Variants in KDM5B observed in about 807,000 individuals in gnomAD.
KDM5B encodes lysine-specific demethylase 5B.
Under a neutral mutation model 193.4 loss-of-function variants are expected in KDM5B, and 144 were observed. That is an observed-to-expected ratio of 0.74 (90% CI 0.65 to 0.86). The LOEUF (loss-of-function observed/expected upper bound fraction) is 0.86, where lower values mean the gene tolerates loss of function less well. Among genes scored for constraint, KDM5B ranks in the 40% least tolerant of loss-of-function variants. The pLI is 0.00. For synonymous variants in KDM5B, 668 were observed against 682.6 expected (o/e 0.98, Z 0.33); for missense variants, 1,833 against 1,886.9 (o/e 0.97, Z 0.53).
Position 202,726,243 on chromosome 1 carries a change from T to C in KDM5B, c.*2793A>G, listed in dbSNP as rs1400348279. On this transcript the variant is annotated 3_prime_UTR_variant, in exon 27 of 27. Coordinates refer to ENST00000367265, the MANE Select transcript of KDM5B (RefSeq NM_006618.5). Reference sequence around the variant, plus strand: ...AATGAAGCAGGGAAATTCAGGTTTTTAACAACCTCCATCACCACAAGTGGC... The same window carrying C: ...AATGAAGCAGGGAAATTCAGGTTTTCAACAACCTCCATCACCACAAGTGGC... 1 of 152,196 alleles carries C rather than the reference T, an allele frequency of 6.6e-6. No individual in the cohort carries two copies. The highest frequency in any genetic ancestry group is 2.4e-5 in the African/African-American group (1 of 41,450). 9.4% of individuals were successfully genotyped at this position (152,196 alleles called of 1,614,324 possible).
chr1:202,746,757 C>T (rs554340807), intron 14 of KDM5B, among the ~76,000 whole-genome samples: 4 of 152,192 alleles, frequency 2.6e-5, no homozygotes, highest in East Asian at 1.9e-4. Context: ...GAAGATGGGA[C>T]GAGTGGAAAA....
intron 14 of KDM5B, chr1:202,746,583 G>T (rs768272874): frequency 4.2e-5 from 14 of 334,002 alleles, no homozygotes; most frequent in Non-Finnish European, 7.1e-5. Flanking sequence ...GAACACCATA[G>T]GACTGTAAAA....
At chr1:202,760,338 T>TAAA in intron 8 of KDM5B, 77 bp downstream of exon 8, 2 of 985,130 alleles carry the variant, frequency 2.0e-6, no homozygotes, top group Non-Finnish European at 2.9e-6. Flanking sequence ...TAAAATAAAA[T>TAAA]AAAAAATAAA....
At chr1:202,807,168 C>A (rs1447334412) in intron 1 of KDM5B, 1 of 152,398 alleles carries the variant, frequency 6.6e-6, no homozygotes, top group Non-Finnish European at 1.5e-5. Context: ...GGGAAACGAG[C>A]ACGAAATCTT....
intron 16 of KDM5B, among the ~76,000 whole-genome samples, chr1:202,745,552 T>C (rs1655518929): frequency 6.6e-6 from 1 of 150,930 alleles, no homozygotes; most frequent in African/African-American, 2.4e-5. Flanking sequence ...TTCAACATCT[T>C]TGTAAGAAAT....
chr1:202,725,439 A>G lies in KDM5B; in HGVS notation c.*3597T>C, dbSNP rs1480578381. 4 of 152,248 alleles carry G rather than the reference A, an allele frequency of 2.6e-5. No homozygotes were observed. The highest frequency in any genetic ancestry group is 9.6e-5 in the African/African-American group (4 of 41,468). 9.4% of individuals were successfully genotyped at this position (152,248 alleles called of 1,614,324 possible). On this transcript the variant is annotated 3_prime_UTR_variant, in exon 27 of 27. Transcript: ENST00000367265. Reference sequence around the variant, plus strand: ...AATAAGTTACACATGAAGCCTCCCAAAAGAAAGCTGAGAAGCTTAAAATAG... The same window carrying G: ...AATAAGTTACACATGAAGCCTCCCAGAAGAAAGCTGAGAAGCTTAAAATAG...
intron 20 of KDM5B, among the ~76,000 whole-genome samples, chr1:202,737,798 A>C (rs1353258414): frequency 3.9e-5 from 6 of 152,232 alleles, no homozygotes; most frequent in Non-Finnish European, 7.3e-5. Context: ...GATTAAAAGA[A>C]ACTTAAAGAG....
chr1:202,755,819 C>T (rs564507909), intron 10 of KDM5B, among the ~76,000 whole-genome samples: 5 of 151,854 alleles, frequency 3.3e-5, no homozygotes, highest in Admixed American at 1.3e-4. Flanking sequence ...TGAAGGAGAG[C>T]GGGCGAAAAG....
chr1:202,736,556 T>C (rs985922759), intron 20 of KDM5B, among the ~76,000 whole-genome samples, 164 bp from the exon 21 acceptor site: 10 of 152,156 alleles, frequency 6.6e-5, no homozygotes, highest in Admixed American at 2.0e-4. Flanking sequence ...ACCAATGATA[T>C]TGGGGGTAGA....
chr1:202,789,228 GA>G (rs1238801298), intron 1 of KDM5B, among the ~76,000 whole-genome samples: 1 of 152,114 alleles, frequency 6.6e-6, no homozygotes, highest in Non-Finnish European at 1.5e-5. Flanking sequence ...TAGTATTAAA[GA>G]AAGAAGGGCC....
intron 26 of KDM5B, 162 bp from the exon 27 acceptor site, chr1:202,729,335 C>A: frequency 1.4e-6 from 1 of 736,358 alleles, no homozygotes; most frequent in Non-Finnish European, 2.2e-6. Context: ...TAGCTGGCCC[C>A]CTAGCCAAAG....
Position 202,755,309 on chromosome 1 carries a change from A to C in KDM5B, c.1500T>G (p.Ile500Met). ...TAATTGAATAGCTCCAGTGGTCTTC[A>C]ATGTGCCAACAGAATGAAGAAAAGC... The part of the protein sequence containing the change: ...GMCFSSFCWH[I>M]EDHWSYSINY... Residue 500 changes from isoleucine (I) to methionine (M), a missense_variant, in exon 11 of 27, where the codon ATT becomes ATG. Physicochemically the swap from Ile to Met is conservative, Grantham distance 10 (BLOSUM62 1). This residue lies in a region of KDM5B where 1,379 missense variants were observed against 1,349.6 expected (regional missense o/e 1.02). Transcript: ENST00000367265. 1 of 1,614,146 alleles carries C rather than the reference A, an allele frequency of 6.2e-7. No individual in the cohort carries two copies.
chr1:202,729,288 C>A lies in KDM5B; in HGVS notation c.4498-115G>T, dbSNP rs558891112. ...GCCAATAACAGCCACTGTCCCACCA[C>A]TGGGACCTCTGGCACAACAGCTAAG... On this transcript the variant is annotated intron_variant, in intron 26 of 26. Coordinates refer to ENST00000367265, the MANE Select transcript of KDM5B (RefSeq NM_006618.5). 2.8e-5 allele frequency: 31 copies of A among 1,093,974 alleles called. 1 individual carries two copies. The South Asian group carries it at 4.2e-4, about 15-fold the overall frequency. 67.8% of individuals were successfully genotyped at this position (1,093,974 alleles called of 1,614,324 possible). A position where few individuals can be genotyped will look rare whatever the true frequency, so the allele number is the denominator to read the frequency against.
intron 1 of KDM5B, among the ~76,000 whole-genome samples, chr1:202,779,553 C>T (rs895195764): frequency 6.6e-6 from 1 of 151,632 alleles, no homozygotes; most frequent in Non-Finnish European, 1.5e-5. Context: ...CACCAGTAAT[C>T]CCAGCACTCT....
Position 202,787,616 on chromosome 1 carries a change from G to A in KDM5B, c.205-10522C>T, listed in dbSNP as rs1452027654. 3.3e-5 allele frequency among the ~76,000 whole-genome samples: 5 copies of A among 152,126 alleles called. 1 individual carries two copies. Among genetic ancestry groups the A allele is most frequent in the Admixed American group, 1.3e-4 (2 of 15,270 alleles). On this transcript the variant is annotated intron_variant, in intron 1 of 26. Transcript: ENST00000367265. Reference sequence around the variant, plus strand: ...AAAGTATGTGAAGTAGGCCGGGTGCGGTGGCTCACACCTGTAATCCCAGCA... The same window carrying A: ...AAAGTATGTGAAGTAGGCCGGGTGCAGTGGCTCACACCTGTAATCCCAGCA...
rs138927115 is a variant in KDM5B, at chr1:202,748,994, G to A, written c.1967C>T (p.Ala656Val). Residue 656 changes from alanine to valine, a missense_variant, in exon 14 of 27, where the codon GCC (alanine) becomes GTC (valine). Ala to Val is a moderately conservative substitution (Grantham distance 64). This residue lies in a region of KDM5B where 1,379 missense variants were observed against 1,349.6 expected (regional missense o/e 1.02). Transcript: ENST00000367265. ...VVASTVQKDM[A>V]IMIEDEKALR... The stretch of plus-strand genomic sequence containing the variant: ...AGCTTTCTCATCCTCAATCATAATG[G>A]CCATGTCTTTCTGAACAGTTGAAGC... 33 of 1,613,720 alleles carry A rather than the reference G, an allele frequency of 2.0e-5. No individual in the cohort carries two copies. The highest frequency in any genetic ancestry group is 2.4e-5 in the Non-Finnish European group (28 of 1,179,900).
At chr1:202,773,537 C>T (rs1656809053) in intron 3 of KDM5B, among the ~76,000 whole-genome samples, 1 of 152,138 alleles carries the variant, frequency 6.6e-6, no homozygotes, top group East Asian at 1.9e-4. Flanking sequence ...CTTTTCACAT[C>T]CCCAAAGCAA....
intron 14 of KDM5B, among the ~76,000 whole-genome samples, chr1:202,747,423 CT>C (rs962688888): frequency 1.3e-5 from 2 of 151,950 alleles, no homozygotes; most frequent in African/African-American, 4.8e-5. Context: ...TGATGTAAGA[CT>C]TTGGTAAGTT....
intron 20 of KDM5B, among the ~76,000 whole-genome samples, 155 bp downstream of exon 20, chr1:202,740,519 C>T (rs1273485242): frequency 6.7e-6 from 1 of 149,838 alleles, no homozygotes; most frequent in Non-Finnish European, 1.5e-5. Flanking sequence ...CCTCACTTCC[C>T]AGTAGGGGCG....
Sources: gnomAD v4.1 joint callset for allele counts (sites outside exome capture counted in the v4.1 genomes callset) on GRCh38, gnomAD v4.1.1 for gene constraint, gnomAD v4.1.1 regional missense constraint, MANE v1.5 for transcripts, NCBI Gene and HGNC (gene_info 2026-07-23, HGNC 2026-07-21) for gene names.